Variants in ARHGAP5 observed in about 807,000 individuals in gnomAD.
The protein encoded by ARHGAP5 is Rho GTPase activating protein 5, also known as rho GTPase-activating protein 5.
In ARHGAP5, 23 loss-of-function variants were observed where a neutral mutation model predicts 116.6. The observed-to-expected ratio is 0.20, with a 90% confidence interval of 0.14 to 0.28. The LOEUF is 0.28. Ranked by LOEUF, ARHGAP5 falls within the 10% of genes least tolerant of loss-of-function variation. The pLI is 1.00. For synonymous variants in ARHGAP5, 574 were observed against 602.0 expected, an observed-to-expected ratio of 0.95 and a Z score of 0.68; for missense variants, 1,405 against 1,774.8, an observed-to-expected ratio of 0.79 and a Z score of 3.74.
At position 32,077,439 on chromosome 14, in the gene ARHGAP5, G is replaced by A. The variant is rs2041716411; in HGVS notation, c.-169+4G>A. 2 of 701,678 alleles carry A rather than the reference G, an allele frequency of 2.9e-6. No individual in the cohort carries two copies. The highest frequency in any genetic ancestry group is 5.2e-6 in the Non-Finnish European group (2 of 384,850). 43.5% of individuals were successfully genotyped at this position (701,678 alleles called of 1,614,324 possible). A position where few individuals can be genotyped will look rare whatever the true frequency, so the allele number is the denominator to read the frequency against. On this transcript the variant is annotated splice_donor_region_variant and intron_variant, in intron 1 of 6. Coordinates refer to ENST00000345122, the MANE Select transcript of ARHGAP5 (RefSeq NM_001030055.2). ...CGGAGGAGACCGACGTTGTTAGGTA[G>A]GACCTTGCGGACCCCGCTCCTCCAA... is the stretch of plus-strand genomic sequence containing the variant.
At chr14:32,128,128 G>T (rs371474228) in intron 3 of ARHGAP5, among the ~76,000 whole-genome samples, 1 of 151,174 alleles carries the variant, frequency 6.6e-6, no homozygotes, top group African/African-American at 2.4e-5. Context: ...GATGATGGGC[G>T]GCCAGGCAGA....
Position 32,120,697 on chromosome 14 carries a change from T to C in ARHGAP5, c.3865+3410T>C, listed in dbSNP as rs1879841887. 2.0e-5 allele frequency among the ~76,000 whole-genome samples: 3 copies of C among 151,886 alleles called. No individual in the cohort carries two copies. The South Asian group carries it at 6.2e-4, about 31-fold the overall frequency. ...TCTTTTTTGTTCATTTCTAGTTTAA[T>C]TATTTTGCATTTGAAAAACAAGGAG... On this transcript the variant is annotated intron_variant, in intron 3 of 6. Transcript: ENST00000345122.
chr14:32,111,685 A>G (rs1379160192), intron 2 of ARHGAP5, among the ~76,000 whole-genome samples: 2 of 152,114 alleles, frequency 1.3e-5, no homozygotes, highest in Admixed American at 1.3e-4. Flanking sequence ...ATATAGCAGG[A>G]AAAGGAACTC....
chr14:32,155,038 A>C lies in ARHGAP5; in HGVS notation c.*90A>C, dbSNP rs895410893. ...GGTTCAGTAGTATACTTCATGTTTC[A>C]TACAGATAATTCACATTCAAAATTA... On this transcript the variant is annotated 3_prime_UTR_variant, in exon 7 of 7. Coordinates refer to ENST00000345122, the MANE Select transcript of ARHGAP5 (RefSeq NM_001030055.2). 7.3e-6 allele frequency: 8 copies of C among 1,088,904 alleles called. No homozygotes were observed. In the African/African-American group the frequency reaches 1.1e-4, roughly 15 times the overall value. The allele number at this position is 1,088,904 out of a possible 1,614,324, so 67.5% of individuals were successfully genotyped here.
Position 32,091,884 on chromosome 14 carries a change from G to C in ARHGAP5, c.1215G>C (p.Leu405=). The C allele has an allele frequency of 3.1e-6, 5 of 1,613,504 alleles. No homozygotes were observed. The highest frequency in any genetic ancestry group is 4.2e-6 in the Non-Finnish European group (5 of 1,179,650). The change falls in exon 2 of 7, where the codon CTG becomes CTC. Residue 405 remains leucine (L), a synonymous_variant. Transcript: ENST00000345122. ...ATAGGCGGATTCCATTTGACCTCCT[G>C]AGCACTTTAGAAGCTGAAAAAGTCT... ...INDRRIPFDL[L]STLEAEKVYQ... is the part of the protein sequence containing the mutation.
intron 2 of ARHGAP5, among the ~76,000 whole-genome samples, chr14:32,099,584 A>G (rs1186540001): frequency 6.6e-6 from 1 of 152,174 alleles, no homozygotes; most frequent in African/African-American, 2.4e-5. Context: ...TAAGTGTTTC[A>G]AGTGTCTGAC....
At chr14:32,085,422 C>A (rs1163976278) in intron 1 of ARHGAP5, among the ~76,000 whole-genome samples, 3 of 152,130 alleles carry the variant, frequency 2.0e-5, no homozygotes. Flanking sequence ...TGCATTCCAG[C>A]CTAGATGACA....
At chr14:32,086,112 T>C (rs1358641480) in intron 1 of ARHGAP5, among the ~76,000 whole-genome samples, 1 of 152,124 alleles carries the variant, frequency 6.6e-6, no homozygotes, top group Non-Finnish European at 1.5e-5. Flanking sequence ...AAATAAGGTG[T>C]ATAGTAAGTT....
At chr14:32,135,563 C>G (rs61427077) in intron 3 of ARHGAP5, among the ~76,000 whole-genome samples, 36,670 of 152,146 alleles carry the variant, frequency 0.24, 5,253 homozygotes, top group East Asian at 0.5. Context: ...GCTGGGTTTA[C>G]GGGCACATGC....
Position 32,077,593 on chromosome 14 carries a change from C to G in ARHGAP5, c.-169+158C>G, listed in dbSNP as rs192963558. ...GCCGAGGGGAGCCTGGCGCTGCGCTCGGTTTTCGCAGGCCGGGCGGGCAGC... is the reference window on the plus strand; with the variant it reads ...GCCGAGGGGAGCCTGGCGCTGCGCTGGGTTTTCGCAGGCCGGGCGGGCAGC... On this transcript the variant is annotated intron_variant, in intron 1 of 6. Transcript: ENST00000345122. 2.6e-3 allele frequency among the ~76,000 whole-genome samples: 397 copies of G among 152,262 alleles called. 7 individuals are homozygous for G. The highest frequency in any genetic ancestry group is 0.024 in the Admixed American group (366 of 15,310).
At position 32,157,608 on chromosome 14, in the gene ARHGAP5, A is replaced by G. The variant is rs1484560544; in HGVS notation, c.*2660A>G. ...GTAGATTTATTAGAAGTCAAATTCT[A>G]TTCAACAGACACTTATTAGGATATA... On this transcript the variant is annotated 3_prime_UTR_variant, in exon 7 of 7. Coordinates refer to ENST00000345122, the MANE Select transcript of ARHGAP5 (RefSeq NM_001030055.2). 2 of 152,218 alleles carry G rather than the reference A, an allele frequency of 1.3e-5. No individual in the cohort carries two copies. The highest frequency in any genetic ancestry group is 2.4e-5 in the African/African-American group (1 of 41,450). 9.4% of individuals were successfully genotyped at this position (152,218 alleles called of 1,614,324 possible). A position where few individuals can be genotyped will look rare whatever the true frequency, so the allele number is the denominator to read the frequency against.
chr14:32,102,595 G>T (rs1436657492), intron 2 of ARHGAP5, among the ~76,000 whole-genome samples: 2 of 152,222 alleles, frequency 1.3e-5, no homozygotes, highest in South Asian at 2.1e-4. Flanking sequence ...TATCCTGAGA[G>T]CTCTGAGTGA....
intron 3 of ARHGAP5, among the ~76,000 whole-genome samples, chr14:32,129,271 A>G (rs1032505106): frequency 2.0e-5 from 3 of 149,722 alleles, no homozygotes; most frequent in African/African-American, 7.4e-5. Flanking sequence ...TTCTGTTCCC[A>G]TTTTTTTTTC....
rs749801999 is a variant in ARHGAP5 at position 32,094,367 on chromosome 14, A to C, written c.3698A>C (p.Lys1233Thr). The C allele has an allele frequency of 1.9e-6, 3 of 1,574,094 alleles. No homozygotes were observed. Among genetic ancestry groups the C allele is most frequent in the Non-Finnish European group, 2.6e-6 (3 of 1,167,200 alleles). ...DDKKMKKKTH[K>T]VKEDKKQKKK... ...AAGAAGATGAAGAAGAAAACCCACA[A>C]AGTGAAAGAAGATAAAAAGGTAAGG... The change falls in exon 2 of 7, where the codon AAA becomes ACA. Residue 1233 changes from lysine (K) to threonine (T), a missense_variant. Lys to Thr is a moderately conservative substitution (Grantham distance 78, BLOSUM62 -1). Coordinates refer to ENST00000345122, the MANE Select transcript of ARHGAP5 (RefSeq NM_001030055.2).
At position 32,146,329 on chromosome 14, in the gene ARHGAP5, A is replaced by G. The variant is rs749180582; in HGVS notation, c.3932A>G (p.Gln1311Arg). ...NKTDQDNIQK[Q>R]FDQDHNINLV... is the part of the protein sequence containing the mutation. ...ACTGACCAAGACAATATTCAAAAGC[A>G]GTTTGATCAAGGTAAGAAGATGATT... is the stretch of plus-strand genomic sequence containing the variant. Residue 1311 changes from glutamine to arginine, a missense_variant, in exon 4 of 7, where the codon CAG becomes CGG. Around this residue, in one of 6 missense-constraint regions of ARHGAP5, gnomAD observed 176 missense variants for 221.2 expected, o/e 0.80. Transcript: ENST00000345122. 2 of 1,610,578 alleles carry G rather than the reference A, an allele frequency of 1.2e-6. No homozygotes were observed. The highest frequency in any genetic ancestry group is 8.5e-7 in the Non-Finnish European group (1 of 1,176,806).
chr14:32,136,648 G>C (rs142136554), intron 3 of ARHGAP5, among the ~76,000 whole-genome samples: 1 of 152,056 alleles, frequency 6.6e-6, no homozygotes, highest in Non-Finnish European at 1.5e-5. Context: ...TGGATCATAC[G>C]GTAATTCTAT....
At position 32,155,059 on chromosome 14, in the gene ARHGAP5, A is replaced by G. The variant is rs1594403702; in HGVS notation, c.*111A>G. On this transcript the variant is annotated 3_prime_UTR_variant, in exon 7 of 7. Coordinates refer to ENST00000345122, the MANE Select transcript of ARHGAP5 (RefSeq NM_001030055.2). Reference sequence around the variant, plus strand: ...TTTCATACAGATAATTCACATTCAAAATTACATTTTCTCTTTGAACTAGAT... The same window carrying G: ...TTTCATACAGATAATTCACATTCAAGATTACATTTTCTCTTTGAACTAGAT... 1 of 934,750 alleles carries G rather than the reference A, an allele frequency of 1.1e-6. No individual in the cohort carries two copies. Among genetic ancestry groups the G allele is most frequent in the East Asian group, 2.6e-5 (1 of 38,942 alleles). The allele number at this position is 934,750 out of a possible 1,614,324, so 57.9% of individuals were successfully genotyped here.
chr14:32,119,040 T>G (rs932381578), intron 3 of ARHGAP5, among the ~76,000 whole-genome samples: 1 of 152,126 alleles, frequency 6.6e-6, no homozygotes, highest in Non-Finnish European at 1.5e-5. Context: ...TTAAGTGCTT[T>G]GGTAGAAAGA....
chr14:32,123,989 A>G (rs1192245417), intron 3 of ARHGAP5, among the ~76,000 whole-genome samples: 3 of 152,170 alleles, frequency 2.0e-5, no homozygotes, highest in Non-Finnish European at 4.4e-5. Flanking sequence ...TATTCAACCA[A>G]AGAACCCAGA....
Sources: gnomAD v4.1 joint callset for allele counts (sites outside exome capture counted in the v4.1 genomes callset) on GRCh38, gnomAD v4.1.1 for gene constraint, gnomAD v4.1.1 regional missense constraint, MANE v1.5 for transcripts, NCBI Gene and HGNC (gene_info 2026-07-23, HGNC 2026-07-21) for gene names.